The following LRRTM4 variants were observed in gnomAD, a reference collection of about 807,000 sequenced individuals.
LRRTM4 encodes the protein leucine rich repeat transmembrane neuronal 4, also known as leucine-rich repeat transmembrane neuronal protein 4.
In LRRTM4, 25 loss-of-function variants were observed where a neutral mutation model predicts 47.6. The ratio of observed to expected loss-of-function variants is 0.53; its 90% CI spans 0.38 to 0.73. The LOEUF is 0.73. Ranked by LOEUF, LRRTM4 falls within the 30% of genes least tolerant of loss-of-function variation. The pLI is 0.00. For synonymous variants in LRRTM4, 311 were observed against 269.5 expected (o/e 1.15, Z -1.51); for missense variants, 638 against 713.4 (o/e 0.89, Z 1.20).
At chr2:77,166,287 A>G (rs891372484) in intron 3 of LRRTM4, among the ~76,000 whole-genome samples, 2 of 152,188 alleles carry the variant, frequency 1.3e-5, no homozygotes, top group African/African-American at 4.8e-5. Context: ...ATTGAAAACC[A>G]CTGCTCAATG....
chr2:77,255,770 A>G (rs1406940762), intron 3 of LRRTM4, among the ~76,000 whole-genome samples: 1 of 152,118 alleles, frequency 6.6e-6, no homozygotes, highest in East Asian at 1.9e-4. Flanking sequence ...TACCTCAAGC[A>G]ATGACGAAAG....
chr2:76,778,687 T>G (rs1674174429), intron 3 of LRRTM4, among the ~76,000 whole-genome samples: 1 of 151,798 alleles, frequency 6.6e-6, no homozygotes, highest in Admixed American at 6.6e-5. Flanking sequence ...GTCTATCAAT[T>G]TTGTTGATCC....
chr2:77,324,616 G>A (rs933682927), intron 3 of LRRTM4, among the ~76,000 whole-genome samples: 11 of 152,132 alleles, frequency 7.2e-5, no homozygotes, highest in Non-Finnish European at 8.8e-5. Context: ...TCTTCTTGTA[G>A]TTATAATAGA....
intron 3 of LRRTM4, among the ~76,000 whole-genome samples, chr2:77,137,537 C>A (rs928067993): frequency 1.3e-5 from 2 of 151,938 alleles, no homozygotes; most frequent in Non-Finnish European, 2.9e-5. Flanking sequence ...ATTGTAAAGA[C>A]CATCAAGGCT....
chr2:76,991,115 A>C lies in LRRTM4; in HGVS notation c.1552-242199T>G, dbSNP rs545015147. On this transcript the variant is annotated intron_variant, in intron 3 of 3. Coordinates refer to ENST00000409884, the MANE Select transcript of LRRTM4 (RefSeq NM_001134745.3). ...GAAATAAACGAAAACAGAGACAAACATACCAAAATCCCTGGGATGCAACAT... is the reference window on the plus strand; with the variant it reads ...GAAATAAACGAAAACAGAGACAAACCTACCAAAATCCCTGGGATGCAACAT... Among the ~76,000 whole-genome samples the C allele has an allele frequency of 4.6e-5, 7 of 151,826 alleles. No homozygotes were observed. The South Asian group carries it at 1.2e-3, about 27-fold the overall frequency.
chr2:76,781,725 A>C (rs939574689), intron 3 of LRRTM4, among the ~76,000 whole-genome samples: 6 of 150,640 alleles, frequency 4.0e-5, no homozygotes, highest in Admixed American at 3.3e-4. Flanking sequence ...TGCGTCGCTC[A>C]CGCTGGGAGC....
intron 3 of LRRTM4, among the ~76,000 whole-genome samples, chr2:76,877,050 T>C (rs1672798556): frequency 6.6e-6 from 1 of 152,116 alleles, no homozygotes; most frequent in Non-Finnish European, 1.5e-5. Flanking sequence ...TTTTCTCATC[T>C]AGAATTTATT....
intron 3 of LRRTM4, among the ~76,000 whole-genome samples, chr2:77,436,072 G>A (rs1173201280): frequency 6.6e-6 from 1 of 152,112 alleles, no homozygotes; most frequent in Non-Finnish European, 1.5e-5. Context: ...GAATAGGAGA[G>A]ACATTGATAA....
rs147191472 is a variant in LRRTM4, at chr2:77,435,631, A to T, written c.1551+82687T>A. On this transcript the variant is annotated intron_variant, in intron 3 of 3. Transcript: ENST00000409884. ...TCATAGGCTTTGATGTGAGTAAGAA[A>T]GATACATGAAAGTTTGGAAATAAAG... Among the ~76,000 whole-genome samples, 7 of 152,284 alleles carry T rather than the reference A, an allele frequency of 4.6e-5. No individual in the cohort carries two copies. In the East Asian group the frequency reaches 1.2e-3, roughly 25 times the overall value.
chr2:76,774,688 G>A (rs1222180637), intron 3 of LRRTM4, among the ~76,000 whole-genome samples: 1 of 152,142 alleles, frequency 6.6e-6, no homozygotes, highest in Non-Finnish European at 1.5e-5. Context: ...GGTGGAAGGA[G>A]AGGCAGGAGA....
At chr2:77,110,237 C>A (rs989413713) in intron 3 of LRRTM4, among the ~76,000 whole-genome samples, 1 of 152,112 alleles carries the variant, frequency 6.6e-6, no homozygotes, top group Non-Finnish European at 1.5e-5. Flanking sequence ...TGAAAACAGA[C>A]AACTGGACTA....
chr2:76,955,265 C>T (rs544652069), intron 3 of LRRTM4, among the ~76,000 whole-genome samples: 5 of 151,464 alleles, frequency 3.3e-5, no homozygotes, highest in Non-Finnish European at 5.9e-5. Context: ...ATAACTACAA[C>T]GATTAAAATA....
rs139015085 is a variant in LRRTM4 at position 76,758,461 on chromosome 2, T to A, written c.1552-9545A>T. ...AGTGAAATGATTACCATGAGTCTAATAGAGTACAAATGTAACTTCTTGGAA... is the reference window on the plus strand; with the variant it reads ...AGTGAAATGATTACCATGAGTCTAAAAGAGTACAAATGTAACTTCTTGGAA... On this transcript the variant is annotated intron_variant, in intron 3 of 3. Coordinates refer to ENST00000409884, the MANE Select transcript of LRRTM4 (RefSeq NM_001134745.3). Among the ~76,000 whole-genome samples the A allele has an allele frequency of 4.3e-3, 659 of 152,256 alleles. 8 individuals are homozygous for A. The highest frequency in any genetic ancestry group is 0.014 in the African/African-American group (597 of 41,556).
At chr2:76,945,578 A>G (rs1675295521) in intron 3 of LRRTM4, among the ~76,000 whole-genome samples, 1 of 152,060 alleles carries the variant, frequency 6.6e-6, no homozygotes, top group Non-Finnish European at 1.5e-5. Context: ...TTTAACCTAA[A>G]TATATATTAG....
At chr2:77,083,520 G>A (rs1481062972) in intron 3 of LRRTM4, among the ~76,000 whole-genome samples, 1 of 151,988 alleles carries the variant, frequency 6.6e-6, no homozygotes, top group Non-Finnish European at 1.5e-5. Context: ...GACCAAATTA[G>A]CTACACAGCA....
chr2:77,245,802 A>G (rs565420125), intron 3 of LRRTM4, among the ~76,000 whole-genome samples: 16 of 152,310 alleles, frequency 1.1e-4, no homozygotes, highest in African/African-American at 3.6e-4. Flanking sequence ...GGACTGAAAC[A>G]GCTTTCTCAG....
rs1671704354 is a variant in LRRTM4 at position 77,350,114 on chromosome 2, A to G, written c.1551+168204T>C. On this transcript the variant is annotated intron_variant, in intron 3 of 3. Transcript: ENST00000409884. ...GAGGCGGGTGGATCATGAGGTCAGG[A>G]GATCGAGACCATCCTGGCTAACAAG... Among the ~76,000 whole-genome samples, 3 of 150,836 alleles carry G rather than the reference A, an allele frequency of 2.0e-5. No individual in the cohort carries two copies. In the South Asian group the frequency reaches 6.3e-4, roughly 32 times the overall value.
At chr2:77,030,601 A>T (rs573713604) in intron 3 of LRRTM4, among the ~76,000 whole-genome samples, 1 of 152,194 alleles carries the variant, frequency 6.6e-6, no homozygotes, top group African/African-American at 2.4e-5. Context: ...AAATAATCTG[A>T]ATCTACCCTT....
intron 3 of LRRTM4, among the ~76,000 whole-genome samples, chr2:77,235,593 C>T (rs1336563359): frequency 6.6e-6 from 1 of 152,096 alleles, no homozygotes; most frequent in Non-Finnish European, 1.5e-5. Context: ...TTTTCCAAGG[C>T]TGGTGTCCAG....
Sources: gnomAD v4.1 joint callset for allele counts (sites outside exome capture counted in the v4.1 genomes callset) on GRCh38, gnomAD v4.1.1 for gene constraint, MANE v1.5 for transcripts, NCBI Gene and HGNC (gene_info 2026-07-23, HGNC 2026-07-21) for gene names.